The following RNF150 variants were observed in gnomAD, a reference collection of about 807,000 sequenced individuals.
The protein encoded by RNF150 is ring finger protein 150.
A neutral mutation model predicts 39.3 loss-of-function variants in RNF150; 24 were observed. That is an observed-to-expected ratio of 0.61 (90% CI 0.44 to 0.86). RNF150 has a LOEUF of 0.86. RNF150 is among the 40% of genes least tolerant of loss of function. The probability of loss-of-function intolerance (pLI) is 0.00; values close to 1 mark genes in which losing one functional copy is unlikely to be tolerated. For synonymous variants in RNF150, 255 were observed against 227.3 expected (o/e 1.12, Z -1.10); for missense variants, 502 against 587.8 (o/e 0.85, Z 1.51).
intron 1 of RNF150, among the ~76,000 whole-genome samples, chr4:141,116,760 A>G (rs1346069232): frequency 6.6e-6 from 1 of 152,220 alleles, no homozygotes; most frequent in Non-Finnish European, 1.5e-5. Flanking sequence ...TCAATGATAG[A>G]CTGGATAAAG....
At chr4:140,935,003 ATAT>A (rs1731784058) in intron 4 of RNF150, among the ~76,000 whole-genome samples, 2 of 115,264 alleles carry the variant, frequency 1.7e-5, no homozygotes, top group African/African-American at 3.2e-5. Context: ...ATATATATAT[ATAT>A]AAATATATAT....
intron 1 of RNF150, among the ~76,000 whole-genome samples, chr4:140,987,338 G>T (rs1734049017): frequency 6.6e-6 from 1 of 151,960 alleles, no homozygotes; most frequent in Non-Finnish European, 1.5e-5. Context: ...AACAAAGCTG[G>T]AGTCATCACA....
rs182488789 is a variant in RNF150 at position 140,956,531 on chromosome 4, C to T, written c.736-7159G>A. Among the ~76,000 whole-genome samples the T allele has an allele frequency of 2.2e-3, 339 of 152,140 alleles. 2 individuals carry two copies. The highest frequency in any genetic ancestry group is 4.0e-3 in the Non-Finnish European group (274 of 68,012). ...AATCCTTAGCATTCTCTGGGAAGCCCCTTAAGGTGAGGAATCTTAAACTAG... is the reference window on the plus strand; with the variant it reads ...AATCCTTAGCATTCTCTGGGAAGCCTCTTAAGGTGAGGAATCTTAAACTAG... On this transcript the variant is annotated intron_variant, in intron 2 of 6. Transcript: ENST00000515673.
At chr4:140,941,655 C>G (rs768156253) in intron 4 of RNF150, among the ~76,000 whole-genome samples, 2 of 151,924 alleles carry the variant, frequency 1.3e-5, no homozygotes, top group Admixed American at 6.6e-5. Flanking sequence ...TTAAAGAGCA[C>G]GAGTAGAAGC....
chr4:140,944,563 AT>A (rs1331914216), intron 4 of RNF150: 1 of 152,098 alleles, frequency 6.6e-6, no homozygotes, highest in South Asian at 2.1e-4. Context: ...TTTATTAATA[AT>A]TCATCATAAT....
Position 140,913,610 on chromosome 4 carries a change from T to C in RNF150, c.988-2256A>G, listed in dbSNP as rs187196266. ...CATGTTCCCTCCCAGGAGGGCATCT[T>C]TGCTCCTGCAAGCACTTCATAAGGT... On this transcript the variant is annotated intron_variant, in intron 5 of 6. Coordinates refer to ENST00000515673, the MANE Select transcript of RNF150 (RefSeq NM_020724.2). 7.9e-5 allele frequency among the ~76,000 whole-genome samples: 12 copies of C among 152,300 alleles called. 1 individual carries two copies. Among genetic ancestry groups the C allele is most frequent in the East Asian group, 7.7e-4 (4 of 5,168 alleles).
At chr4:141,191,413 G>A (rs995895276) in intron 1 of RNF150, among the ~76,000 whole-genome samples, 1 of 152,144 alleles carries the variant, frequency 6.6e-6, no homozygotes, top group Non-Finnish European at 1.5e-5. Flanking sequence ...TTCTAGCTCA[G>A]CTTTCATCCA....
chr4:140,912,547 C>A (rs1002828550), intron 5 of RNF150, among the ~76,000 whole-genome samples: 1 of 152,276 alleles, frequency 6.6e-6, no homozygotes, highest in African/African-American at 2.4e-5. Context: ...CTACAACTCA[C>A]GGACTCCTAG....
chr4:141,100,094 T>C (rs1738953555), intron 1 of RNF150, among the ~76,000 whole-genome samples: 1 of 152,192 alleles, frequency 6.6e-6, no homozygotes, highest in Non-Finnish European at 1.5e-5. Flanking sequence ...TTTCTACTTT[T>C]ATAGGACTAG....
intron 1 of RNF150, among the ~76,000 whole-genome samples, chr4:141,180,267 G>A (rs1441884114): frequency 6.6e-6 from 1 of 152,134 alleles, no homozygotes; most frequent in Non-Finnish European, 1.5e-5. Context: ...CCATGTTCAA[G>A]TTCAGATAGC....
intron 1 of RNF150, among the ~76,000 whole-genome samples, chr4:141,057,203 T>C (rs942607915): frequency 2.0e-5 from 3 of 152,086 alleles, no homozygotes; most frequent in Non-Finnish European, 4.4e-5. Context: ...GCCTTGCATA[T>C]GGCAGGCATA....
chr4:140,914,678 T>C (rs566077505), intron 5 of RNF150, among the ~76,000 whole-genome samples: 220 of 152,116 alleles, frequency 1.4e-3, no homozygotes, highest in Non-Finnish European at 2.2e-3. Flanking sequence ...CCTGACTGGA[T>C]AGAATGGAGG....
At chr4:141,067,798 A>G (rs925609829) in intron 1 of RNF150, among the ~76,000 whole-genome samples, 2 of 152,312 alleles carry the variant, frequency 1.3e-5, no homozygotes, top group African/African-American at 4.8e-5. Context: ...TTTTTATGTC[A>G]AGATAGGAAA....
At chr4:140,945,001 T>G (rs1732229103) in intron 4 of RNF150, among the ~76,000 whole-genome samples, 1 of 152,086 alleles carries the variant, frequency 6.6e-6, no homozygotes, top group African/African-American at 2.4e-5. Context: ...ATGGAAAAAA[T>G]GTATGAGCTA....
At chr4:140,869,765 C>G (rs1450582102) in intron 6 of RNF150, among the ~76,000 whole-genome samples, 3 of 152,138 alleles carry the variant, frequency 2.0e-5, no homozygotes, top group Non-Finnish European at 4.4e-5. Context: ...ACAGCATGTA[C>G]AGGTGGCTGG....
intron 6 of RNF150, among the ~76,000 whole-genome samples, chr4:140,887,241 TAAAC>T (rs1729609098): frequency 6.6e-6 from 1 of 152,206 alleles, no homozygotes; most frequent in South Asian, 2.1e-4. Context: ...TCTTGAGAAA[TAAAC>T]AATCTCAGCT....
chr4:140,947,823 C>A (rs1240142675), intron 3 of RNF150, 87 bp from the exon 4 acceptor site: 7 of 878,086 alleles, frequency 8.0e-6, no homozygotes, highest in Non-Finnish European at 1.2e-5. Context: ...GAGAGCTTGC[C>A]TGGAGCAAAG....
At chr4:141,085,484 G>A (rs1323824490) in intron 1 of RNF150, among the ~76,000 whole-genome samples, 1 of 152,198 alleles carries the variant, frequency 6.6e-6, no homozygotes, top group East Asian at 1.9e-4. Flanking sequence ...TCCCAGATGA[G>A]GTCTCTGTGG....
At chr4:140,958,753 C>T (rs770366107) in intron 2 of RNF150, among the ~76,000 whole-genome samples, 1 of 152,094 alleles carries the variant, frequency 6.6e-6, no homozygotes, top group Non-Finnish European at 1.5e-5. Context: ...AGTCCACACA[C>T]TGGTGGCATC....
Sources: gnomAD v4.1 joint callset for allele counts (sites outside exome capture counted in the v4.1 genomes callset) on GRCh38, gnomAD v4.1.1 for gene constraint, MANE v1.5 for transcripts, NCBI Gene and HGNC (gene_info 2026-07-23, HGNC 2026-07-21) for gene names.